PRMT9: variants seen among roughly 807,000 people sequenced by gnomAD.
The protein encoded by PRMT9 is protein arginine N-methyltransferase 9.
A neutral mutation model predicts 83.2 loss-of-function variants in PRMT9; 59 were observed. The ratio of observed to expected loss-of-function variants is 0.71; its 90% CI spans 0.57 to 0.88. The LOEUF is 0.88. PRMT9 is among the 40% of genes least tolerant of loss of function. PRMT9 has a pLI of 0.00. For missense variants in PRMT9, 947 were observed against 1,021.9 expected (o/e 0.93, Z 1.00); for synonymous variants, 333 against 353.2 (o/e 0.94, Z 0.64).
chr4:147,648,373 A>T (rs1014370819), intron 9 of PRMT9, among the ~76,000 whole-genome samples: 4 of 152,200 alleles, frequency 2.6e-5, no homozygotes, highest in African/African-American at 9.6e-5. Context: ...CAGAAAGACA[A>T]GGTTCAGAGA....
Position 147,673,780 on chromosome 4 carries a change from C to T in PRMT9, c.433G>A (p.Ala145Thr), listed in dbSNP as rs777076809. The part of the protein sequence containing the change: ...SDAKENFYRV[A>T]NWLVERWHFI... ...TGCCAGCGTTCCACCAACCAGTTTG[C>T]AACACGATAAAAATTCTCCTTTGCA... is the stretch of plus-strand genomic sequence containing the variant. The change falls in exon 3 of 12, where the codon GCA becomes ACA. Residue 145 changes from alanine to threonine, a missense_variant. Transcript: ENST00000322396. 6.2e-7 allele frequency: 1 copy of T among 1,614,066 alleles called. No homozygotes were observed. Among genetic ancestry groups the T allele is most frequent in the Non-Finnish European group, 8.5e-7 (1 of 1,179,942 alleles).
intron 9 of PRMT9, among the ~76,000 whole-genome samples, chr4:147,649,720 G>C (rs909060583): frequency 6.6e-6 from 1 of 152,138 alleles, no homozygotes; most frequent in Non-Finnish European, 1.5e-5. Flanking sequence ...GGTCAGGCTG[G>C]TCTCAAACTC....
chr4:147,672,906 GT>G (rs1560704348), intron 4 of PRMT9, 52 bp downstream of exon 4: 1 of 1,505,412 alleles, frequency 6.6e-7, no homozygotes, highest in South Asian at 1.1e-5. Flanking sequence ...ATATATCTTA[GT>G]TTTTTAAAAA....
rs1334488660 is a variant in PRMT9 at position 147,668,590 on chromosome 4, G to A, written c.902C>T (p.Ala301Val). ...TTCTACTGCCATCCCAAATATAACA[G>A]CACTTGCTGGTATAACTTTCCCATA... ...EKYGKVIPASAVIFGMAVECA... is the reference protein window; with the variant it reads ...EKYGKVIPASVVIFGMAVECA... The change falls in exon 6 of 12, where the codon GCT (alanine) becomes GTT (valine). Residue 301 changes from alanine to valine, a missense_variant. Coordinates refer to ENST00000322396, the MANE Select transcript of PRMT9 (RefSeq NM_138364.4). The A allele has an allele frequency of 6.2e-7, 1 of 1,612,266 alleles. No homozygotes were observed. The highest frequency in any genetic ancestry group is 8.5e-7 in the Non-Finnish European group (1 of 1,179,046).
chr4:147,653,468 A>C (rs1734263511), intron 9 of PRMT9, among the ~76,000 whole-genome samples: 1 of 151,316 alleles, frequency 6.6e-6, no homozygotes, highest in Non-Finnish European at 1.5e-5. Flanking sequence ...ATATATATAT[A>C]TCTTGGTTTC....
rs373180080 is a variant in PRMT9, at chr4:147,680,307, T to A, written c.338+16A>T. ...CAGAATAATTCTTAACAAGTAATAC[T>A]AAAATCACTACAAACCTGAAGAGAT... On this transcript the variant is annotated intron_variant, in intron 2 of 11. Coordinates refer to ENST00000322396, the MANE Select transcript of PRMT9 (RefSeq NM_138364.4). 3 of 1,612,694 alleles carry A rather than the reference T, an allele frequency of 1.9e-6. No homozygotes were observed. The highest frequency in any genetic ancestry group is 1.3e-5 in the African/African-American group (1 of 75,034).
intron 2 of PRMT9, among the ~76,000 whole-genome samples, chr4:147,679,079 T>A (rs1560709465): frequency 1.3e-5 from 2 of 152,196 alleles, no homozygotes; most frequent in South Asian, 4.1e-4. Flanking sequence ...CTGTGAAAAC[T>A]GTATCTGGCC....
intron 4 of PRMT9, among the ~76,000 whole-genome samples, chr4:147,672,698 A>C (rs1427791801): frequency 6.6e-6 from 1 of 152,176 alleles, no homozygotes; most frequent in Non-Finnish European, 1.5e-5. Flanking sequence ...AGAACACTGA[A>C]ATTAACAAAG....
At chr4:147,672,537 C>G (rs1268985829) in intron 4 of PRMT9, among the ~76,000 whole-genome samples, 1 of 152,234 alleles carries the variant, frequency 6.6e-6, no homozygotes, top group Non-Finnish European at 1.5e-5. Context: ...AATATACTGA[C>G]AGCTGACATT....
At chr4:147,657,707 T>G in intron 8 of PRMT9, 85 bp downstream of exon 8, 1 of 1,033,130 alleles carries the variant, frequency 9.7e-7, no homozygotes, top group Non-Finnish European at 1.5e-6. Flanking sequence ...AACCTTCATA[T>G]CCAAAGTAAT....
intron 8 of PRMT9, among the ~76,000 whole-genome samples, chr4:147,657,229 A>G (rs1231717260): frequency 6.6e-6 from 1 of 152,124 alleles, no homozygotes; most frequent in Non-Finnish European, 1.5e-5. Context: ...TCATCTACTG[A>G]TAACTAGAAA....
At chr4:147,666,823 T>TAAAA (rs67002013) in intron 6 of PRMT9, among the ~76,000 whole-genome samples, 7 of 126,438 alleles carry the variant, frequency 5.5e-5, no homozygotes, top group South Asian at 2.5e-4. Context: ...GAACTTTGTT[T>TAAAA]AAAAAAAAAA....
At chr4:147,647,505 C>G (rs1363070972) in intron 9 of PRMT9, among the ~76,000 whole-genome samples, 1 of 151,712 alleles carries the variant, frequency 6.6e-6, no homozygotes, top group African/African-American at 2.4e-5. Flanking sequence ...ACTTGCCTGC[C>G]TTGTGATAAT....
chr4:147,672,240 G>A (rs1735787943), intron 4 of PRMT9, among the ~76,000 whole-genome samples: 1 of 152,186 alleles, frequency 6.6e-6, no homozygotes, highest in African/African-American at 2.4e-5. Flanking sequence ...ATGTATGGAA[G>A]AAAACTTTTT....
chr4:147,679,888 C>G, intron 2 of PRMT9, among the ~76,000 whole-genome samples: 1 of 152,284 alleles, frequency 6.6e-6, no homozygotes, highest in African/African-American at 2.4e-5. Flanking sequence ...GGCTTCTTAC[C>G]CTACTACATG....
chr4:147,668,566 T>C lies in PRMT9; in HGVS notation c.926A>G (p.Glu309Gly). The change falls in exon 6 of 12, where the codon GAA becomes GGA. Residue 309 changes from glutamate (E) to glycine (G), a missense_variant. By Grantham distance (98) the Glu-to-Gly change is moderately conservative. Transcript: ENST00000322396. Reference protein sequence around the residue: ...ASAVIFGMAVECAEIRRHHRV... With the variant: ...ASAVIFGMAVGCAEIRRHHRV... The stretch of plus-strand genomic sequence containing the variant: ...ATGATGTCTTCTTATCTCTGCACAT[T>C]CTACTGCCATCCCAAATATAACAGC... 1.2e-6 allele frequency: 2 copies of C among 1,608,684 alleles called. No homozygotes were observed. Among genetic ancestry groups the C allele is most frequent in the Non-Finnish European group, 1.7e-6 (2 of 1,175,828 alleles).
At position 147,653,104 on chromosome 4, in the gene PRMT9, G is replaced by C. The variant is rs1024443032; in HGVS notation, c.2045+748C>G. On this transcript the variant is annotated intron_variant, in intron 9 of 11. Transcript: ENST00000322396. ...CTCTTCCTAGCCTTTTCAACTCAGAGAGCCTAAAAGCAATGACCAGTAGCA... is the reference window on the plus strand; with the variant it reads ...CTCTTCCTAGCCTTTTCAACTCAGACAGCCTAAAAGCAATGACCAGTAGCA... Among the ~76,000 whole-genome samples the C allele has an allele frequency of 3.3e-5, 5 of 152,062 alleles. No individual in the cohort carries two copies. The East Asian group carries it at 9.6e-4, about 29-fold the overall frequency.
Position 147,663,009 on chromosome 4 carries a change from A to AT in PRMT9, c.954-1972dup, listed in dbSNP as rs1177200944. 8.7e-3 allele frequency among the ~76,000 whole-genome samples: 1,228 copies of AT among 141,124 alleles called. 15 individuals carry two copies. The highest frequency in any genetic ancestry group is 0.024 in the African/African-American group (941 of 38,450). The allele number at this position is 141,124 out of a possible 152,430, so 92.6% of individuals were successfully genotyped here. A position where few individuals can be genotyped will look rare whatever the true frequency, so the allele number is the denominator to read the frequency against. On this transcript the variant is annotated intron_variant, in intron 6 of 11. Coordinates refer to ENST00000322396, the MANE Select transcript of PRMT9 (RefSeq NM_138364.4). ...GAATCAGCAAATGGAACTACTAATA[A>AT]TTTTTTTTTTTTTTTTTGAGACAGA...
rs750461228 is a variant in PRMT9, at chr4:147,639,133, G to A, written c.2200-51C>T. 2.5e-6 allele frequency: 4 copies of A among 1,599,914 alleles called. No individual in the cohort carries two copies. In the Admixed American group the frequency reaches 6.7e-5, roughly 27 times the overall value. On this transcript the variant is annotated intron_variant, in intron 10 of 11. Coordinates refer to ENST00000322396, the MANE Select transcript of PRMT9 (RefSeq NM_138364.4). ...TTCACTTTTTCTTTTTGTGGTCAGG[G>A]CTCAAGTTTTTCACTTTTACACATT...
Sources: gnomAD v4.1 joint callset for allele counts (sites outside exome capture counted in the v4.1 genomes callset) on GRCh38, gnomAD v4.1.1 for gene constraint, MANE v1.5 for transcripts, NCBI Gene and HGNC (gene_info 2026-07-23, HGNC 2026-07-21) for gene names.